The following CSPG4 variants were observed in gnomAD, a reference collection of about 807,000 sequenced individuals.
CSPG4 encodes chondroitin sulfate proteoglycan 4 (melanoma-associated).
CSPG4 carries 74 observed loss-of-function variants against 139.3 expected under a neutral mutation model. The observed-to-expected ratio is 0.53, with a 90% CI of 0.44 to 0.64. The LOEUF (loss-of-function observed/expected upper bound fraction) is 0.64, where lower values mean the gene tolerates loss of function less well. CSPG4 is among the 30% of genes least tolerant of loss of function. The pLI, the probability that CSPG4 is intolerant of heterozygous loss-of-function variation, is 0.00. For missense variants in CSPG4, 2,565 were observed against 3,148.3 expected (o/e 0.81, Z 4.43); for synonymous variants, 1,234 against 1,394.2 (o/e 0.89, Z 2.56).
chr15:75,685,937 G>C (rs537911706), intron 3 of CSPG4, among the ~76,000 whole-genome samples: 16 of 152,270 alleles, frequency 1.1e-4, no homozygotes, highest in African/African-American at 3.9e-4. Context: ...ACCCAGGCTG[G>C]AGTGCAGTGG....
At chr15:75,711,032 C>T (rs1422374881) in intron 1 of CSPG4, among the ~76,000 whole-genome samples, 12 of 151,878 alleles carry the variant, frequency 7.9e-5, no homozygotes, top group Admixed American at 1.3e-4. Flanking sequence ...GCTCGAAATA[C>T]GCCTCCCAGC....
chr15:75,678,438 G>A lies in CSPG4; in HGVS notation c.4951-552C>T, dbSNP rs1170088689. ...CGTGATCATGGCTCACTGCAGCCTC[G>A]ACCTCCAGGGCTCAAGCGATCCTCC... On this transcript the variant is annotated intron_variant, in intron 8 of 9. Coordinates refer to ENST00000308508, the MANE Select transcript of CSPG4 (RefSeq NM_001897.5). 9 of 348,134 alleles carry A rather than the reference G, an allele frequency of 2.6e-5. No homozygotes were observed. The East Asian group carries it at 4.7e-4, about 18-fold the overall frequency. 21.6% of individuals were successfully genotyped at this position (348,134 alleles called of 1,614,324 possible). A position where few individuals can be genotyped will look rare whatever the true frequency, so the allele number is the denominator to read the frequency against.
chr15:75,678,494 A>T (rs567343954), intron 8 of CSPG4: 1 of 374,974 alleles, frequency 2.7e-6, no homozygotes, highest in South Asian at 2.0e-5. Context: ...CGGGGACTGC[A>T]GGCACATGCC....
At chr15:75,697,006 C>T (rs1010224209) in intron 1 of CSPG4, among the ~76,000 whole-genome samples, 6 of 152,206 alleles carry the variant, frequency 3.9e-5, no homozygotes, top group Admixed American at 1.3e-4. Context: ...CACCAGGCTC[C>T]GGGGACAAGG....
At chr15:75,700,805 A>G (rs1894292341) in intron 1 of CSPG4, among the ~76,000 whole-genome samples, 1 of 152,098 alleles carries the variant, frequency 6.6e-6, no homozygotes. Context: ...TGGGGGAAGA[A>G]CAGAGGAAAT....
chr15:75,712,316 AC>A (rs1319593278), intron 1 of CSPG4, among the ~76,000 whole-genome samples: 2 of 151,492 alleles, frequency 1.3e-5, no homozygotes, highest in Non-Finnish European at 2.9e-5. Flanking sequence ...CAACATACTC[AC>A]CCCAAACTTG....
At chr15:75,700,643 T>A (rs1219334757) in intron 1 of CSPG4, among the ~76,000 whole-genome samples, 7 of 151,988 alleles carry the variant, frequency 4.6e-5, no homozygotes, top group South Asian at 4.2e-4. Flanking sequence ...TCTCCTGGGC[T>A]GTGTCCAGGA....
rs1469051323 is a variant in CSPG4, at chr15:75,683,528, G to T, written c.4450-487C>A. ...CTTCCAGCTGAGGGAGGGGTGCGTG[G>T]CGCAGAGAGTGGGGGGCTGATGGTT... On this transcript the variant is annotated intron_variant, in intron 5 of 9. Coordinates refer to ENST00000308508, the MANE Select transcript of CSPG4 (RefSeq NM_001897.5). Among the ~76,000 whole-genome samples, 6 of 152,330 alleles carry T rather than the reference G, an allele frequency of 3.9e-5. No homozygotes were observed. In the South Asian group the frequency reaches 8.3e-4, roughly 21 times the overall value.
At chr15:75,703,516 C>T (rs894525839) in intron 1 of CSPG4, among the ~76,000 whole-genome samples, 5 of 152,054 alleles carry the variant, frequency 3.3e-5, no homozygotes, top group African/African-American at 1.2e-4. Context: ...GGTCTAGGGG[C>T]TGGAGACCCT....
At chr15:75,691,989 G>GT (rs904603062) in intron 2 of CSPG4, among the ~76,000 whole-genome samples, 58 of 151,070 alleles carry the variant, frequency 3.8e-4, no homozygotes, top group Admixed American at 7.9e-4. Context: ...CCCCAAATTT[G>GT]TTTTTTTTTG....
chr15:75,687,885 G>C lies in CSPG4; in HGVS notation c.3180C>G (p.Arg1060=), dbSNP rs763686541. ...CGATACTGCCAAAGAGGAGGTCCTT[G>C]CGGGTAAGCACCAGCTGGGCGTCAG... The part of the protein sequence containing the change: ...GFADAQLVLT[R]KDLLFGSIVA... The change falls in exon 3 of 10, where the codon CGC becomes CGG. Residue 1060 remains arginine (R), a synonymous_variant. Coordinates refer to ENST00000308508, the MANE Select transcript of CSPG4 (RefSeq NM_001897.5). This position sits in a 1 kb window ranked among gnomAD's most constrained non-coding sequence, Gnocchi z 5.4. 5 of 1,612,840 alleles carry C rather than the reference G, an allele frequency of 3.1e-6. No individual in the cohort carries two copies. Among genetic ancestry groups the C allele is most frequent in the Non-Finnish European group, 4.2e-6 (5 of 1,180,038 alleles).
rs764872084 is a variant in CSPG4 at position 75,677,028 on chromosome 15, G to A, written c.5491C>T (p.Arg1831Trp). ...ACAGAGGCCTGTGGCTGAGGGGGCC[G>A]CTCATTTACATCCCTCACCGTGATG... is the stretch of plus-strand genomic sequence containing the variant. ...FAITVRDVNE[R>W]PPQPQASVPL... Residue 1831 changes from arginine to tryptophan, a missense_variant, in exon 10 of 10, where the codon CGG becomes TGG. Transcript: ENST00000308508. 12 of 1,433,974 alleles carry A rather than the reference G, an allele frequency of 8.4e-6. No individual in the cohort carries two copies. The highest frequency in any genetic ancestry group is 2.0e-4 in the Middle Eastern group (1 of 5,104). 88.8% of individuals were successfully genotyped at this position (1,433,974 alleles called of 1,614,324 possible).
rs187096404 is a variant in CSPG4 at position 75,687,393 on chromosome 15, G to A, written c.3672C>T (p.Ala1224=). ...CTAGGGCAATGGTCACTTGTAGGGT[G>A]GCATCCGTGTGCACTGGCCCTGCTT... ...SVEAGPVHTD[A]TLQVTIALEG... is the part of the protein sequence containing the mutation. Residue 1224 remains alanine (A), a synonymous_variant, in exon 3 of 10, where the codon GCC becomes GCT. Transcript: ENST00000308508. The surrounding 1 kb of genome is among the most constrained non-coding windows in gnomAD (Gnocchi z 5.4). The A allele has an allele frequency of 6.2e-7, 1 of 1,612,988 alleles. No homozygotes were observed. Among genetic ancestry groups the A allele is most frequent in the East Asian group, 2.2e-5 (1 of 44,882 alleles).
chr15:75,685,021 G>T, intron 4 of CSPG4, 109 bp from the exon 5 acceptor site: 1 of 1,302,334 alleles, frequency 7.7e-7, no homozygotes, highest in Non-Finnish European at 1.1e-6. Flanking sequence ...TCCATTGGTA[G>T]AAAATGGGGA....
upstream of CSPG4, among the ~76,000 whole-genome samples, chr15:75,713,374 G>T (rs1230196411): frequency 6.6e-6 from 1 of 152,228 alleles, no homozygotes; most frequent in Non-Finnish European, 1.5e-5. Flanking sequence ...GCCTGGAAGG[G>T]CCTCACCTCA....
At position 75,678,014 on chromosome 15, in the gene CSPG4, G is replaced by A. The variant is rs922663352; in HGVS notation, c.4951-128C>T. ...GTGCCCAGGTCTGTGCGTGTGACCC[G>A]CTGTCTCCCTCACTAACTCACTGGG... On this transcript the variant is annotated intron_variant, in intron 8 of 9. Coordinates refer to ENST00000308508, the MANE Select transcript of CSPG4 (RefSeq NM_001897.5). 15 of 777,280 alleles carry A rather than the reference G, an allele frequency of 1.9e-5. No homozygotes were observed. In the East Asian group the frequency reaches 2.2e-4, roughly 11 times the overall value. The allele number at this position is 777,280 out of a possible 1,614,324, so 48.1% of individuals were successfully genotyped here. A position where few individuals can be genotyped will look rare whatever the true frequency, so the allele number is the denominator to read the frequency against.
At chr15:75,686,384 G>A (rs1238498499) in intron 3 of CSPG4, among the ~76,000 whole-genome samples, 3 of 152,150 alleles carry the variant, frequency 2.0e-5, no homozygotes, top group Non-Finnish European at 4.4e-5. Context: ...ATCAGAGGGC[G>A]CCCCGCCCCA....
rs8043292 is a variant in CSPG4, at chr15:75,698,332, T to G, written c.89-5099A>C. On this transcript the variant is annotated intron_variant, in intron 1 of 9. Coordinates refer to ENST00000308508, the MANE Select transcript of CSPG4 (RefSeq NM_001897.5). This position sits in a 1 kb window ranked among gnomAD's most constrained non-coding sequence, Gnocchi z 4.3. ...GGTGTGTATGTGGTGGGGCGGGGGG[T>G]GGTCGTGGCCCACCTGGGGGCTGAA... Among the ~76,000 whole-genome samples the G allele has an allele frequency of 0.78, 112,588 of 145,146 alleles. 44,066 individuals carry two copies. The highest frequency in any genetic ancestry group is 0.87 in the African/African-American group (33,907 of 38,928).
rs779757771 is a variant in CSPG4 at position 75,690,580 on chromosome 15, G to A, written c.485C>T (p.Thr162Ile). 5 of 1,608,256 alleles carry A rather than the reference G, an allele frequency of 3.1e-6. No homozygotes were observed. Among genetic ancestry groups the A allele is most frequent in the Admixed American group, 1.7e-5 (1 of 59,694 alleles). ...GTLGLPYLRG[T>I]SRPLRGCLHA... ...GAGGCAACCCCTCAGGGGTCGGCTGGTTCCCCTCAGGTAGGGCAGGCCAAG... is the reference window on the plus strand; with the variant it reads ...GAGGCAACCCCTCAGGGGTCGGCTGATTCCCCTCAGGTAGGGCAGGCCAAG... Residue 162 changes from threonine (T) to isoleucine (I), a missense_variant, in exon 3 of 10, where the codon ACC becomes ATC. By Grantham distance (89) the Thr-to-Ile change is moderately conservative. This residue lies in a region of CSPG4 where 132 missense variants were observed against 132.3 expected (regional missense o/e 1.00). Transcript: ENST00000308508.
Sources: allele counts gnomAD v4.1 joint callset (sites outside exome capture counted in the v4.1 genomes callset), GRCh38; gene constraint gnomAD v4.1.1; regional missense constraint gnomAD v4.1.1; non-coding constraint Gnocchi (gnomAD v3.1); transcripts MANE v1.5; gene names NCBI Gene and HGNC (gene_info 2026-07-23, HGNC 2026-07-21).